SPA17: variants seen among roughly 807,000 people sequenced by gnomAD.
The protein encoded by SPA17 is sperm surface protein Sp17.
In SPA17, 7 loss-of-function variants were observed where a neutral mutation model predicts 13.8. The ratio of observed to expected loss-of-function variants is 0.51; its 90% CI spans 0.29 to 0.95. SPA17 has a LOEUF of 0.95. Ranked by LOEUF, SPA17 falls within the 40% of genes least tolerant of loss-of-function variation. The pLI is 0.08. For missense variants in SPA17, 170 were observed against 179.3 expected, an observed-to-expected ratio of 0.95 and a Z score of 0.30; for synonymous variants, 61 against 59.0, an observed-to-expected ratio of 1.03 and a Z score of -0.16.
At chr11:124,676,654 T>C (rs932292144) in intron 2 of SPA17, among the ~76,000 whole-genome samples, 4 of 152,222 alleles carry the variant, frequency 2.6e-5, no homozygotes, top group Non-Finnish European at 2.9e-5. Context: ...TTTAAATATT[T>C]TCCACTGAAA....
At chr11:124,687,003 G>A (rs1313922291) in intron 3 of SPA17, among the ~76,000 whole-genome samples, 1 of 152,034 alleles carries the variant, frequency 6.6e-6, no homozygotes, top group African/African-American at 2.4e-5. Flanking sequence ...ACAAAAAGTT[G>A]GTTCTTTGAA....
rs751648208 is a variant in SPA17 at position 124,674,121 on chromosome 11, C to G, written c.-28+169C>G. The G allele has an allele frequency of 5.4e-4, 121 of 224,608 alleles. 1 individual carries two copies. Among genetic ancestry groups the G allele is most frequent in the Non-Finnish European group, 9.6e-4 (107 of 111,336 alleles). The allele number at this position is 224,608 out of a possible 1,614,324, so 13.9% of individuals were successfully genotyped here. A position where few individuals can be genotyped will look rare whatever the true frequency, so the allele number is the denominator to read the frequency against. ...ATCCCAGGTCCTCAACATCCCGCCCCCGACTAGACCCGTCTGCCCCCTCCG... is the reference window on the plus strand; with the variant it reads ...ATCCCAGGTCCTCAACATCCCGCCCGCGACTAGACCCGTCTGCCCCCTCCG... On this transcript the variant is annotated intron_variant, in intron 1 of 4. Transcript: ENST00000227135.
chr11:124,691,310 ATTTAT>A (rs945274498), intron 3 of SPA17, among the ~76,000 whole-genome samples: 1 of 152,148 alleles, frequency 6.6e-6, no homozygotes, highest in African/African-American at 2.4e-5. Flanking sequence ...ACACAATGCC[ATTTAT>A]TTTATTCCTA....
At chr11:124,684,267 T>C (rs1240988552) in intron 3 of SPA17, among the ~76,000 whole-genome samples, 2 of 123,726 alleles carry the variant, frequency 1.6e-5, no homozygotes, top group African/African-American at 3.9e-5. Context: ...AATACAGTAA[T>C]TTTTTTTTTT....
chr11:124,694,370 G>T lies in SPA17; in HGVS notation c.380G>T (p.Gly127Val). 1.2e-6 allele frequency: 2 copies of T among 1,613,940 alleles called. No individual in the cohort carries two copies. Among genetic ancestry groups the T allele is most frequent in the Non-Finnish European group, 1.7e-6 (2 of 1,179,972 alleles). ...GTCAAAATCCAAGCTGCCTTCCGGG[G>T]ACACATAGCCAGAGAGGAGGCAAAG... ...AAVKIQAAFR[G>V]HIAREEAKKM... The change falls in exon 5 of 5, where the codon GGA becomes GTA. Residue 127 changes from glycine to valine, a missense_variant. Coordinates refer to ENST00000227135, the MANE Select transcript of SPA17 (RefSeq NM_017425.4).
chr11:124,689,764 A>AC (rs1459563922), intron 3 of SPA17, among the ~76,000 whole-genome samples: 1 of 151,676 alleles, frequency 6.6e-6, no homozygotes, highest in Admixed American at 6.6e-5. Flanking sequence ...TCTCAAAAAA[A>AC]AAAAGAAAAA....
At chr11:124,687,888 C>G (rs988730875) in intron 3 of SPA17, among the ~76,000 whole-genome samples, 1 of 152,088 alleles carries the variant, frequency 6.6e-6, no homozygotes, top group Non-Finnish European at 1.5e-5. Context: ...GACAAGAATG[C>G]CCATTTTCAC....
At chr11:124,685,614 A>G (rs1286786460) in intron 3 of SPA17, among the ~76,000 whole-genome samples, 1 of 152,170 alleles carries the variant, frequency 6.6e-6, no homozygotes, top group Non-Finnish European at 1.5e-5. Context: ...CACTGTGCAC[A>G]TGGAAAAGCT....
At chr11:124,676,905 G>A (rs1290980410) in intron 2 of SPA17, among the ~76,000 whole-genome samples, 1 of 152,044 alleles carries the variant, frequency 6.6e-6, no homozygotes, top group Non-Finnish European at 1.5e-5. Context: ...AAAGTTGGAA[G>A]GGGAAAAAAC....
chr11:124,694,007 C>T (rs1018972944), intron 4 of SPA17, among the ~76,000 whole-genome samples: 1 of 152,116 alleles, frequency 6.6e-6, no homozygotes, highest in South Asian at 2.1e-4. Flanking sequence ...CCCCCAACCC[C>T]CCAAAAAATG....
chr11:124,675,596 G>A (rs767776425), intron 2 of SPA17, 178 bp downstream of exon 2: 14 of 585,846 alleles, frequency 2.4e-5, no homozygotes, highest in South Asian at 7.5e-5. Context: ...TCTTAAATTC[G>A]TTTCATATTA....
At chr11:124,691,219 A>C (rs1210193567) in intron 3 of SPA17, among the ~76,000 whole-genome samples, 2 of 152,120 alleles carry the variant, frequency 1.3e-5, no homozygotes, top group Non-Finnish European at 2.9e-5. Flanking sequence ...ATAAAGCAAA[A>C]CTCCACAGCA....
At position 124,689,185 on chromosome 11, in the gene SPA17, C is replaced by A. The variant is rs561011322; in HGVS notation, c.226-2511C>A. ...ACCCATCATGGATTAAAGACTTAAA[C>A]ATAAGACCTAAAACTGTAAAAATAC... On this transcript the variant is annotated intron_variant, in intron 3 of 4. Coordinates refer to ENST00000227135, the MANE Select transcript of SPA17 (RefSeq NM_017425.4). 1.1e-4 allele frequency among the ~76,000 whole-genome samples: 17 copies of A among 152,228 alleles called. No individual in the cohort carries two copies. In the South Asian group the frequency reaches 3.5e-3, roughly 32 times the overall value.
chr11:124,677,361 G>A (rs1349577474), intron 2 of SPA17, among the ~76,000 whole-genome samples: 3 of 152,076 alleles, frequency 2.0e-5, no homozygotes, highest in African/African-American at 7.2e-5. Flanking sequence ...TTTGTGATGG[G>A]GAACATGTTA....
rs1943677409 is a variant in SPA17, at chr11:124,696,754, T to C, written c.*2308T>C. The C allele has an allele frequency of 6.6e-6, 1 of 152,210 alleles. No individual in the cohort carries two copies. Among genetic ancestry groups the C allele is most frequent in the Admixed American group, 6.5e-5 (1 of 15,276 alleles). 9.4% of individuals were successfully genotyped at this position (152,210 alleles called of 1,614,324 possible). On this transcript the variant is annotated 3_prime_UTR_variant, in exon 5 of 5. Coordinates refer to ENST00000227135, the MANE Select transcript of SPA17 (RefSeq NM_017425.4). The stretch of plus-strand genomic sequence containing the variant: ...ACTCACTTGATTTCCTGCAGTTTCA[T>C]AGCTTTAAAATCCAATCTTCTTAAT...
intron 3 of SPA17, among the ~76,000 whole-genome samples, chr11:124,685,318 T>C (rs1409637447): frequency 6.6e-6 from 1 of 152,262 alleles, no homozygotes; most frequent in African/African-American, 2.4e-5. Context: ...CCCCAAGCCT[T>C]GGCAGCTTAC....
chr11:124,680,075 C>T (rs1943513193), intron 2 of SPA17, among the ~76,000 whole-genome samples: 1 of 151,962 alleles, frequency 6.6e-6, no homozygotes, highest in Non-Finnish European at 1.5e-5. Context: ...TCGGAGTAAC[C>T]AAACAGTTGA....
Position 124,684,572 on chromosome 11 carries a change from G to A in SPA17, c.225+3113G>A, listed in dbSNP as rs531423985. On this transcript the variant is annotated intron_variant, in intron 3 of 4. Transcript: ENST00000227135. ...CGGCCTAATGCAGTAAATTGGTACT[G>A]CAGAGAGTGAGACACTGCTGTAAAG... is the stretch of plus-strand genomic sequence containing the variant. Among the ~76,000 whole-genome samples, 8 of 152,326 alleles carry A rather than the reference G, an allele frequency of 5.3e-5. No homozygotes were observed. In the East Asian group the frequency reaches 9.6e-4, roughly 18 times the overall value.
chr11:124,675,371 C>T lies in SPA17; in HGVS notation c.107C>T (p.Pro36Leu), dbSNP rs765768969. ...EILREQPDNI[P>L]AFAAAYFESL... ...CTGAGAGAGCAACCGGACAATATAC[C>T]AGCTTTTGCAGCAGCCTATTTTGAG... Residue 36 changes from proline (P) to leucine (L), a missense_variant, in exon 2 of 5, where the codon CCA becomes CTA. Physicochemically the swap from Pro to Leu is moderately conservative, Grantham distance 98. Transcript: ENST00000227135. 6.2e-7 allele frequency: 1 copy of T among 1,614,086 alleles called. No individual in the cohort carries two copies. Among genetic ancestry groups the T allele is most frequent in the East Asian group, 2.2e-5 (1 of 44,868 alleles).
Sources: allele counts gnomAD v4.1 joint callset (sites outside exome capture counted in the v4.1 genomes callset), GRCh38; gene constraint gnomAD v4.1.1; transcripts MANE v1.5; gene names NCBI Gene and HGNC (gene_info 2026-07-23, HGNC 2026-07-21).